Variants in ZNF395 observed in about 807,000 individuals in gnomAD.
ZNF395 encodes the protein HD gene regulatory region-binding protein 2.
In ZNF395, 20 loss-of-function variants were observed where a neutral mutation model predicts 57.7. That is an observed-to-expected ratio of 0.35 (90% CI 0.24 to 0.50). ZNF395 has a LOEUF of 0.50. Ranked by LOEUF, ZNF395 falls within the 20% of genes least tolerant of loss-of-function variation. The pLI is 0.97. For missense variants in ZNF395, 606 were observed against 671.2 expected, an observed-to-expected ratio of 0.90 and a Z score of 1.07; for synonymous variants, 295 against 275.9, an observed-to-expected ratio of 1.07 and a Z score of -0.69.
At chr8:28,376,514 G>A (rs1004057328) in intron 1 of ZNF395, among the ~76,000 whole-genome samples, 4 of 152,006 alleles carry the variant, frequency 2.6e-5, no homozygotes, top group African/African-American at 4.8e-5. Flanking sequence ...CAGCTACTCC[G>A]GAGGCTGAGG....
intron 1 of ZNF395, among the ~76,000 whole-genome samples, chr8:28,373,692 GC>G (rs1802003569): frequency 6.6e-6 from 1 of 152,120 alleles, no homozygotes; most frequent in African/African-American, 2.4e-5. Context: ...GGGTTGGGGG[GC>G]GGGAACCAGG....
chr8:28,362,461 G>T (rs1801862264), intron 1 of ZNF395, among the ~76,000 whole-genome samples: 1 of 152,228 alleles, frequency 6.6e-6, no homozygotes, highest in Non-Finnish European at 1.5e-5. Flanking sequence ...GTCACAGCAG[G>T]TATAAAACAC....
intron 5 of ZNF395, among the ~76,000 whole-genome samples, 158 bp downstream of exon 5, chr8:28,353,015 A>C (rs578223375): frequency 1.3e-5 from 2 of 152,326 alleles, no homozygotes; most frequent in East Asian, 3.9e-4. Flanking sequence ...AATCCTGGGA[A>C]TATCACCAGG....
intron 3 of ZNF395, among the ~76,000 whole-genome samples, chr8:28,357,307 T>A (rs929572975): frequency 5.9e-5 from 9 of 152,170 alleles, no homozygotes; most frequent in Non-Finnish European, 1.3e-4. Flanking sequence ...TAAGGCATTC[T>A]GACAGCTTCT....
intron 1 of ZNF395, among the ~76,000 whole-genome samples, chr8:28,380,329 AT>A (rs1802093979): frequency 6.6e-6 from 1 of 152,136 alleles, no homozygotes; most frequent in African/African-American, 2.4e-5. Context: ...CCCTTACTGA[AT>A]TTTTTTCTGT....
At chr8:28,381,487 AT>A (rs1802109498) in intron 1 of ZNF395, among the ~76,000 whole-genome samples, 1 of 152,144 alleles carries the variant, frequency 6.6e-6, no homozygotes, top group Non-Finnish European at 1.5e-5. Flanking sequence ...CCGGATCAGT[AT>A]TTTTAAATAA....
At chr8:28,373,798 T>C (rs1374409571) in intron 1 of ZNF395, among the ~76,000 whole-genome samples, 1 of 152,146 alleles carries the variant, frequency 6.6e-6, no homozygotes, top group Non-Finnish European at 1.5e-5. Context: ...CCGGTGAGCA[T>C]CCACCTAGCA....
At chr8:28,354,674 C>T (rs577838669) in intron 4 of ZNF395, among the ~76,000 whole-genome samples, 4 of 152,294 alleles carry the variant, frequency 2.6e-5, no homozygotes, top group Admixed American at 1.3e-4. Flanking sequence ...GTTGTCATGT[C>T]TCACAGCTAT....
Position 28,360,986 on chromosome 8 carries a change from T to C in ZNF395, c.139A>G (p.Thr47Ala), listed in dbSNP as rs746006930. Residue 47 changes from threonine to alanine, a missense_variant, in exon 2 of 10, where the codon ACC becomes GCC. By Grantham distance (58) the Thr-to-Ala change is moderately conservative. Coordinates refer to ENST00000344423, the MANE Select transcript of ZNF395 (RefSeq NM_018660.3). ...LLEGAAPQPF[T>A]TSDDTPCQEQ... Reference sequence around the variant, plus strand: ...TGGCAGGGGGTGTCATCAGAGGTGGTGAAAGGCTGGGGAGCGGCCCCTTCT... The same window carrying C: ...TGGCAGGGGGTGTCATCAGAGGTGGCGAAAGGCTGGGGAGCGGCCCCTTCT... 6.2e-7 allele frequency: 1 copy of C among 1,612,572 alleles called. No individual in the cohort carries two copies. Among genetic ancestry groups the C allele is most frequent in the Admixed American group, 1.7e-5 (1 of 59,886 alleles).
intron 1 of ZNF395, among the ~76,000 whole-genome samples, chr8:28,379,455 A>G (rs541957852): frequency 1.6e-4 from 24 of 152,356 alleles, no homozygotes; most frequent in African/African-American, 5.5e-4. Flanking sequence ...GCTTCAGCCC[A>G]GGAGTTCGAA....
rs570486658 is a variant in ZNF395, at chr8:28,359,980, C to T, written c.241-156G>A. Among the ~76,000 whole-genome samples, 3 of 152,158 alleles carry T rather than the reference C, an allele frequency of 2.0e-5. No homozygotes were observed. The highest frequency in any genetic ancestry group is 1.3e-4 in the Admixed American group (2 of 15,280). On this transcript the variant is annotated intron_variant, in intron 2 of 9. Coordinates refer to ENST00000344423, the MANE Select transcript of ZNF395 (RefSeq NM_018660.3). This position sits in a 1 kb window ranked among gnomAD's most constrained non-coding sequence, Gnocchi z 4.7. ...ATTCAAGCAGATGTTCCCAGGTACT[C>T]GCTTCCCACCTGAGCACCCACACAG...
At chr8:28,358,362 C>T (rs532263145) in intron 3 of ZNF395, among the ~76,000 whole-genome samples, 18 of 151,322 alleles carry the variant, frequency 1.2e-4, no homozygotes, top group Non-Finnish European at 7.4e-5. Context: ...CACCCACCTT[C>T]GTCTCCCAAA....
At chr8:28,351,248 G>T (rs533662815) in intron 7 of ZNF395, among the ~76,000 whole-genome samples, 4 of 152,128 alleles carry the variant, frequency 2.6e-5, no homozygotes, top group Admixed American at 1.3e-4. Context: ...CAAATCCATC[G>T]CCCAGTTACT....
rs1020088500 is a variant in ZNF395 at position 28,368,040 on chromosome 8, G to A, written c.-58-6858C>T. On this transcript the variant is annotated intron_variant, in intron 1 of 9. Coordinates refer to ENST00000344423, the MANE Select transcript of ZNF395 (RefSeq NM_018660.3). ...TTGTAAATGCATGGGGCGCTGGGGCGTGCATGTATGTGGTGGGGCAGGGGC... is the reference window on the plus strand; with the variant it reads ...TTGTAAATGCATGGGGCGCTGGGGCATGCATGTATGTGGTGGGGCAGGGGC... Among the ~76,000 whole-genome samples the A allele has an allele frequency of 7.9e-5, 12 of 152,290 alleles. 1 individual carries two copies. In the South Asian group the frequency reaches 1.7e-3, roughly 21 times the overall value.
rs923199504 is a variant in ZNF395, at chr8:28,356,982, T to C, written c.474-203A>G. ...GTGAAACATGAAGGTCTCCCCTTCT[T>C]CCTGAGCAGTACCCATTCTGAGTGA... On this transcript the variant is annotated intron_variant, in intron 3 of 9. Coordinates refer to ENST00000344423, the MANE Select transcript of ZNF395 (RefSeq NM_018660.3). This position sits in a 1 kb window ranked among gnomAD's most constrained non-coding sequence, Gnocchi z 4.0. Among the ~76,000 whole-genome samples, 1 of 152,162 alleles carries C rather than the reference T, an allele frequency of 6.6e-6. No homozygotes were observed. Among genetic ancestry groups the C allele is most frequent in the African/African-American group, 2.4e-5 (1 of 41,422 alleles).
At chr8:28,365,443 G>C (rs1025281407) in intron 1 of ZNF395, 2 of 152,146 alleles carry the variant, frequency 1.3e-5, no homozygotes, top group Non-Finnish European at 2.9e-5. Flanking sequence ...GTTCTTTCTT[G>C]GGAGCTATCA....
In ZNF395 at chr8:28,360,959, C is replaced by T; in HGVS notation, c.166G>A (p.Glu56Lys). ...GCCTTAAGGACTTCCTTGGGCTGCT[C>T]CTGGCAGGGGGTGTCATCAGAGGTG... Reference protein sequence around the residue: ...FTTSDDTPCQEQPKEVLKAPS... With the variant: ...FTTSDDTPCQKQPKEVLKAPS... Residue 56 changes from glutamate (E) to lysine (K), a missense_variant, in exon 2 of 10, where the codon GAG (glutamate) becomes AAG (lysine). Glu to Lys is a moderately conservative substitution (Grantham distance 56, BLOSUM62 1). Around this residue, in one of 3 missense-constraint regions of ZNF395, gnomAD observed 309 missense variants for 374.7 expected, o/e 0.82. Coordinates refer to ENST00000344423, the MANE Select transcript of ZNF395 (RefSeq NM_018660.3). The T allele has an allele frequency of 6.2e-7, 1 of 1,613,728 alleles. No homozygotes were observed. The highest frequency in any genetic ancestry group is 8.5e-7 in the Non-Finnish European group (1 of 1,179,838).
At position 28,352,281 on chromosome 8, in the gene ZNF395, G is replaced by A. The variant is rs1563336534; in HGVS notation, c.920+292C>T. On this transcript the variant is annotated intron_variant, in intron 6 of 9. Transcript: ENST00000344423. The surrounding 1 kb of genome is among the most constrained non-coding windows in gnomAD (Gnocchi z 4.0). ...TGGCCACTAAACATCTTGGAAACGG[G>A]GTCTCACCAGCAACTAAACCAAATG... Among the ~76,000 whole-genome samples, 2 of 152,148 alleles carry A rather than the reference G, an allele frequency of 1.3e-5. No homozygotes were observed. Among genetic ancestry groups the A allele is most frequent in the African/African-American group, 2.4e-5 (1 of 41,410 alleles).
intron 1 of ZNF395, among the ~76,000 whole-genome samples, chr8:28,373,560 C>T (rs563800316): frequency 6.6e-6 from 1 of 152,290 alleles, no homozygotes; most frequent in South Asian, 2.1e-4. Context: ...GGTGCGGTGA[C>T]GGTCTCCAGG....
Sources: gnomAD v4.1 joint callset for allele counts (sites outside exome capture counted in the v4.1 genomes callset) on GRCh38, gnomAD v4.1.1 for gene constraint, gnomAD v4.1.1 regional missense constraint, Gnocchi (gnomAD v3.1) non-coding constraint, MANE v1.5 for transcripts, NCBI Gene and HGNC (gene_info 2026-07-23, HGNC 2026-07-21) for gene names.